The following AZIN1 variants were observed in gnomAD, a reference collection of about 807,000 sequenced individuals.
AZIN1 encodes the protein ornithine decarboxylase antizyme inhibitor.
Under a neutral mutation model 47.4 loss-of-function variants are expected in AZIN1, and 12 were observed. The ratio of observed to expected loss-of-function variants is 0.25; its 90% CI spans 0.16 to 0.41. The LOEUF (loss-of-function observed/expected upper bound fraction) is 0.41. Ranked by LOEUF, AZIN1 falls within the 10% of genes least tolerant of loss-of-function variation. The probability of loss-of-function intolerance (pLI) is 1.00; values close to 1 mark genes in which losing one functional copy is unlikely to be tolerated. For missense variants in AZIN1, 410 were observed against 532.4 expected (o/e 0.77, Z 2.26); for synonymous variants, 155 against 176.3 (o/e 0.88, Z 0.96).
chr8:102,834,561 G>T, intron 7 of AZIN1, 105 bp downstream of exon 7: 1 of 836,226 alleles, frequency 1.2e-6, no homozygotes, highest in Non-Finnish European at 1.9e-6. Flanking sequence ...TGTGTGTCAC[G>T]TTGAATGTAG....
chr8:102,854,671 C>T (rs1813169960), intron 2 of AZIN1: 1 of 147,432 alleles, frequency 6.8e-6, no homozygotes, highest in Non-Finnish European at 1.5e-5. Context: ...TAGGGAGCTC[C>T]TACTAAGGCA....
chr8:102,837,936 A>C (rs1044571019), intron 5 of AZIN1, among the ~76,000 whole-genome samples: 2 of 152,206 alleles, frequency 1.3e-5, no homozygotes, highest in Admixed American at 6.5e-5. Context: ...TTGCTTTTAA[A>C]AAAGTAAACC....
rs371276689 is a variant in AZIN1 at position 102,863,315 on chromosome 8, G to A, written c.-234+492C>T. Among the ~76,000 whole-genome samples, 13 of 152,162 alleles carry A rather than the reference G, an allele frequency of 8.5e-5. No individual in the cohort carries two copies. The South Asian group carries it at 1.5e-3, about 17-fold the overall frequency. ...TCCATTCATAACCAGGACCCCAGCC[G>A]TTGCAGCCCACAGCGCCGCCCGCCC... On this transcript the variant is annotated intron_variant, in intron 1 of 11. Coordinates refer to ENST00000337198, the MANE Select transcript of AZIN1 (RefSeq NM_148174.4).
chr8:102,843,541 T>C lies in AZIN1; in HGVS notation c.102+10A>G. ...AATGACAAACACTGTATTTGAGAAA[T>C]GGCACTTACCAGGGTATGTTCATAA... On this transcript the variant is annotated intron_variant, in intron 3 of 11. Transcript: ENST00000337198. The C allele has an allele frequency of 5.0e-6, 8 of 1,606,692 alleles. No individual in the cohort carries two copies. In the South Asian group the frequency reaches 6.6e-5, roughly 13 times the overall value.
chr8:102,842,092 C>G (rs1157229681), intron 3 of AZIN1, among the ~76,000 whole-genome samples: 1 of 150,242 alleles, frequency 6.7e-6, no homozygotes, highest in Non-Finnish European at 1.5e-5. Context: ...GCCTGGGCAA[C>G]AAGAGTGAAA....
chr8:102,856,363 A>C (rs570344831), intron 2 of AZIN1, among the ~76,000 whole-genome samples: 57 of 152,286 alleles, frequency 3.7e-4, no homozygotes, highest in African/African-American at 1.3e-3. Context: ...TGCAGAATAA[A>C]TTATCTTTAG....
intron 3 of AZIN1, among the ~76,000 whole-genome samples, chr8:102,843,205 C>CAAAAAAAA (rs10713233): frequency 2.1e-5 from 2 of 97,268 alleles, no homozygotes; most frequent in African/African-American, 3.7e-5. Flanking sequence ...GACTCGTCTC[C>CAAAAAAAA]AAAAAAAAAA....
chr8:102,834,614 T>G, intron 7 of AZIN1, 52 bp downstream of exon 7: 1 of 1,414,186 alleles, frequency 7.1e-7, no homozygotes, highest in Non-Finnish European at 9.9e-7. Flanking sequence ...GTCTTTAACT[T>G]AACATCCTGG....
chr8:102,842,622 G>C (rs147284338), intron 3 of AZIN1, among the ~76,000 whole-genome samples: 1 of 150,902 alleles, frequency 6.6e-6, no homozygotes, highest in Admixed American at 6.6e-5. Context: ...CAGGAGAATC[G>C]CTTGAACCTG....
chr8:102,857,188 T>G (rs1376600838), intron 2 of AZIN1, among the ~76,000 whole-genome samples: 2 of 152,226 alleles, frequency 1.3e-5, no homozygotes, highest in African/African-American at 2.4e-5. Flanking sequence ...AAAATTCTAA[T>G]TTGTATTAAC....
chr8:102,841,805 T>TATAAA (rs1554581318), intron 3 of AZIN1, among the ~76,000 whole-genome samples: 4 of 114,444 alleles, frequency 3.5e-5, no homozygotes, highest in East Asian at 2.5e-4. Flanking sequence ...TATATATATA[T>TATAAA]AAAAAAAAAA....
rs778574055 is a variant in AZIN1 at position 102,833,362 on chromosome 8, T to G, written c.742-144A>C. 3.0e-5 allele frequency: 18 copies of G among 605,552 alleles called. No individual in the cohort carries two copies. The South Asian group carries it at 4.8e-4, about 16-fold the overall frequency. The allele number at this position is 605,552 out of a possible 1,614,324, so 37.5% of individuals were successfully genotyped here. On this transcript the variant is annotated intron_variant, in intron 8 of 11. Transcript: ENST00000337198. ...GAACCTTAGCAACTTTGTAGTTATC[T>G]CCAAGCAATTAATTAGGCATGCTTT...
At chr8:102,850,223 C>T (rs1392249075) in intron 2 of AZIN1, 2 of 152,168 alleles carry the variant, frequency 1.3e-5, no homozygotes, top group Non-Finnish European at 2.9e-5. Context: ...AACCTTAATA[C>T]ATCAACCATT....
chr8:102,861,929 G>C (rs1327402782), intron 1 of AZIN1, among the ~76,000 whole-genome samples: 1 of 151,896 alleles, frequency 6.6e-6, no homozygotes, highest in Non-Finnish European at 1.5e-5. Flanking sequence ...CCAGCTGCTC[G>C]GGAGGCTGAG....
chr8:102,831,203 A>G (rs1811434259), intron 9 of AZIN1, among the ~76,000 whole-genome samples: 2 of 152,170 alleles, frequency 1.3e-5, no homozygotes, highest in Non-Finnish European at 2.9e-5. Flanking sequence ...GGGAAAAATA[A>G]GAGTAACAGA....
At chr8:102,832,981 A>G in intron 9 of AZIN1, 75 bp downstream of exon 9, 2 of 1,336,590 alleles carry the variant, frequency 1.5e-6, no homozygotes, top group South Asian at 2.6e-5. Context: ...CTACAACTTC[A>G]TGACCATCTG....
chr8:102,836,111 G>A (rs772349377), intron 6 of AZIN1, 145 bp downstream of exon 6: 6 of 866,756 alleles, frequency 6.9e-6, no homozygotes, highest in Non-Finnish European at 1.1e-5. Flanking sequence ...CCTAAACTAA[G>A]AAGAAAACAC....
intron 2 of AZIN1, among the ~76,000 whole-genome samples, chr8:102,853,607 CT>C (rs1395446725): frequency 6.6e-6 from 1 of 152,152 alleles, no homozygotes; most frequent in East Asian, 1.9e-4. Context: ...TCTCTAAAAC[CT>C]TGTTTATCCA....
chr8:102,858,266 T>C (rs2131284590), intron 1 of AZIN1, 116 bp from the exon 2 acceptor site: 1 of 393,964 alleles, frequency 2.5e-6, no homozygotes, highest in Admixed American at 4.4e-5. Context: ...TTCATTAAAG[T>C]CACATTACAC....
Sources: gnomAD v4.1 joint callset for allele counts (sites outside exome capture counted in the v4.1 genomes callset) on GRCh38, gnomAD v4.1.1 for gene constraint, MANE v1.5 for transcripts, NCBI Gene and HGNC (gene_info 2026-07-23, HGNC 2026-07-21) for gene names.